Variants in MOB3B observed in about 807,000 individuals in gnomAD.
MOB3B encodes the protein MOB kinase activator-like 2B.
MOB3B carries 7 observed loss-of-function variants against 18.7 expected under a neutral mutation model. That is an observed-to-expected ratio of 0.37 (90% confidence interval 0.21 to 0.70). The LOEUF (loss-of-function observed/expected upper bound fraction) is 0.70. MOB3B is among the 30% of genes least tolerant of loss of function. The pLI is 0.52. For missense variants in MOB3B, 253 were observed against 281.3 expected (o/e 0.90, Z 0.72); for synonymous variants, 111 against 99.9 (o/e 1.11, Z -0.66).
At chr9:27,428,586 G>A (rs1225334604) in intron 2 of MOB3B, among the ~76,000 whole-genome samples, 1 of 152,230 alleles carries the variant, frequency 6.6e-6, no homozygotes, top group Non-Finnish European at 1.5e-5. Context: ...TCCATTCATT[G>A]CGGTCCAAAG....
intron 3 of MOB3B, among the ~76,000 whole-genome samples, chr9:27,351,371 G>T (rs1331507378): frequency 6.6e-6 from 1 of 152,222 alleles, no homozygotes; most frequent in Non-Finnish European, 1.5e-5. Context: ...GAGGATTCTA[G>T]GGATGATGTC....
rs145173163 is a variant in MOB3B at position 27,437,473 on chromosome 9, G to A, written c.418+17660C>T. ...CTTTATTGGACATTGTGCTAATCAAGGGGCCATAGCTCTGTTAGCACATTT... is the reference window on the plus strand; with the variant it reads ...CTTTATTGGACATTGTGCTAATCAAAGGGCCATAGCTCTGTTAGCACATTT... On this transcript the variant is annotated intron_variant, in intron 2 of 3. Coordinates refer to ENST00000262244, the MANE Select transcript of MOB3B (RefSeq NM_024761.5). Among the ~76,000 whole-genome samples the A allele has an allele frequency of 2.8e-3, 426 of 152,182 alleles. 2 individuals are homozygous for A. Among genetic ancestry groups the A allele is most frequent in the African/African-American group, 0.01 (415 of 41,498 alleles).
chr9:27,334,142 T>C (rs1820829820), intron 3 of MOB3B, among the ~76,000 whole-genome samples: 1 of 152,254 alleles, frequency 6.6e-6, no homozygotes, highest in South Asian at 2.1e-4. Context: ...TATTAATGTA[T>C]GATGCATATT....
chr9:27,351,624 C>T (rs1211266096), intron 3 of MOB3B, among the ~76,000 whole-genome samples: 2 of 152,230 alleles, frequency 1.3e-5, no homozygotes, highest in Non-Finnish European at 2.9e-5. Context: ...AAGAAAAGGT[C>T]CTTTCAAAAG....
intron 2 of MOB3B, among the ~76,000 whole-genome samples, chr9:27,445,227 A>T (rs866322586): frequency 1.3e-5 from 2 of 152,322 alleles, no homozygotes; most frequent in Middle Eastern, 3.4e-3. Flanking sequence ...CATCCTAAGC[A>T]CTTTATGTGC....
chr9:27,435,268 T>C (rs1442051171), intron 2 of MOB3B, among the ~76,000 whole-genome samples: 1 of 152,174 alleles, frequency 6.6e-6, no homozygotes, highest in East Asian at 1.9e-4. Context: ...GTTTAAACTA[T>C]TTTTCTTTGA....
intron 1 of MOB3B, among the ~76,000 whole-genome samples, chr9:27,490,006 C>T (rs1485821518): frequency 2.0e-5 from 3 of 152,004 alleles, no homozygotes; most frequent in African/African-American, 7.3e-5. Flanking sequence ...AGCCAATGTG[C>T]CTCTTTTGCC....
intron 2 of MOB3B, among the ~76,000 whole-genome samples, chr9:27,404,418 C>A (rs377169428): frequency 1.6e-5 from 2 of 124,858 alleles, no homozygotes; most frequent in Non-Finnish European, 1.6e-5. Flanking sequence ...TGCAATGGTG[C>A]GATCTCAGCT....
chr9:27,417,042 A>G (rs1375765791), intron 2 of MOB3B, among the ~76,000 whole-genome samples: 1 of 152,180 alleles, frequency 6.6e-6, no homozygotes, highest in Non-Finnish European at 1.5e-5. Flanking sequence ...AATTATTACC[A>G]TGAAGATACA....
intron 1 of MOB3B, among the ~76,000 whole-genome samples, chr9:27,505,911 A>G (rs1198706763): frequency 6.6e-6 from 1 of 152,180 alleles, no homozygotes; most frequent in African/African-American, 2.4e-5. Context: ...CTCAAAACTA[A>G]GGGGAAAAAA....
chr9:27,448,627 G>A (rs1415508347), intron 2 of MOB3B, among the ~76,000 whole-genome samples: 1 of 152,168 alleles, frequency 6.6e-6, no homozygotes, highest in African/African-American at 2.4e-5. Context: ...GGGAATTATG[G>A]GAGCTACAAT....
At chr9:27,478,810 G>GACACACACACACACAC (rs34976107) in intron 1 of MOB3B, among the ~76,000 whole-genome samples, 3 of 141,308 alleles carry the variant, frequency 2.1e-5, no homozygotes, top group African/African-American at 8.1e-5. Flanking sequence ...GGATTAAAAA[G>GACACACACACACACAC]ACACACACAC....
Position 27,403,635 on chromosome 9 carries a change from C to T in MOB3B, c.419-44399G>A, listed in dbSNP as rs556141326. The stretch of plus-strand genomic sequence containing the variant: ...GCAACCTCCACCTCCCAGGTTGAAG[C>T]GAACCCAGTTAATTTTTGTATGTTT... On this transcript the variant is annotated intron_variant, in intron 2 of 3. Coordinates refer to ENST00000262244, the MANE Select transcript of MOB3B (RefSeq NM_024761.5). Among the ~76,000 whole-genome samples, 246 of 147,410 alleles carry T rather than the reference C, an allele frequency of 1.7e-3. 1 individual carries two copies. Among genetic ancestry groups the T allele is most frequent in the African/African-American group, 5.9e-3 (235 of 40,006 alleles).
chr9:27,348,757 T>C (rs1238534967), intron 3 of MOB3B, among the ~76,000 whole-genome samples: 1 of 152,204 alleles, frequency 6.6e-6, no homozygotes, highest in Non-Finnish European at 1.5e-5. Flanking sequence ...GGAAGAAGGT[T>C]GGGTTATCAC....
intron 3 of MOB3B, among the ~76,000 whole-genome samples, chr9:27,357,925 C>T (rs1821218014): frequency 1.2e-5 from 1 of 83,272 alleles, no homozygotes; most frequent in Non-Finnish European, 2.6e-5. Flanking sequence ...AAAAAAATAG[C>T]CATGCCAGGC....
At chr9:27,357,766 A>C (rs904744023) in intron 3 of MOB3B, among the ~76,000 whole-genome samples, 2 of 151,272 alleles carry the variant, frequency 1.3e-5, no homozygotes, top group Non-Finnish European at 2.9e-5. Flanking sequence ...TAATAATAAA[A>C]CCTGGCCAGG....
intron 3 of MOB3B, among the ~76,000 whole-genome samples, chr9:27,357,293 G>A (rs879915785): frequency 4.0e-5 from 6 of 149,652 alleles, no homozygotes; most frequent in East Asian, 3.9e-4. Context: ...TTTGTGTTTC[G>A]ATTCTCTAAC....
chr9:27,472,957 C>T (rs1056706252), intron 1 of MOB3B, among the ~76,000 whole-genome samples: 1 of 152,208 alleles, frequency 6.6e-6, no homozygotes, highest in Non-Finnish European at 1.5e-5. Flanking sequence ...CTCAAATGCA[C>T]GTCTTTACAT....
intron 2 of MOB3B, among the ~76,000 whole-genome samples, chr9:27,381,913 T>G (rs1587169744): frequency 2.0e-5 from 3 of 152,278 alleles, no homozygotes; most frequent in Middle Eastern, 6.8e-3. Flanking sequence ...CTCAAAGCGT[T>G]AGGATTACAA....
Sources: allele counts gnomAD v4.1 joint callset (sites outside exome capture counted in the v4.1 genomes callset), GRCh38; gene constraint gnomAD v4.1.1; transcripts MANE v1.5; gene names NCBI Gene and HGNC (gene_info 2026-07-23, HGNC 2026-07-21).